The following PDE11A variants were observed in gnomAD, a reference collection of about 807,000 sequenced individuals.
The protein encoded by PDE11A is phosphodiesterase 11A.
A neutral mutation model predicts 100.5 loss-of-function variants in PDE11A; 100 were observed. The observed-to-expected ratio is 1.00, with a 90% CI of 0.85 to 1.18. The LOEUF (loss-of-function observed/expected upper bound fraction) is 1.18, where lower values mean the gene tolerates loss of function less well. Among genes scored for constraint, PDE11A ranks in the 50% most tolerant of loss-of-function variants. The pLI is 0.00. For synonymous variants in PDE11A, 381 were observed against 420.8 expected, an observed-to-expected ratio of 0.91 and a Z score of 1.16; for missense variants, 1,141 against 1,152.6, an observed-to-expected ratio of 0.99 and a Z score of 0.15.
chr2:178,038,597 C>G (rs1375190814), intron 1 of PDE11A, among the ~76,000 whole-genome samples: 1 of 152,066 alleles, frequency 6.6e-6, no homozygotes, highest in African/African-American at 2.4e-5. Context: ...CAGTACTCCA[C>G]AATAAGAGAA....
chr2:177,811,674 A>G (rs1323017530), intron 9 of PDE11A, among the ~76,000 whole-genome samples: 1 of 151,954 alleles, frequency 6.6e-6, no homozygotes, highest in Admixed American at 6.6e-5. Context: ...CTTTTGGGGA[A>G]GCTTTGTCCT....
intron 2 of PDE11A, chr2:178,104,171 A>G (rs1255439709): frequency 2.4e-6 from 2 of 821,384 alleles, no homozygotes; most frequent in South Asian, 1.4e-5. Context: ...ATATAAATCC[A>G]TATTTCAGTA....
At chr2:177,919,021 TG>T (rs2084995981) in intron 2 of PDE11A, among the ~76,000 whole-genome samples, 1 of 151,840 alleles carries the variant, frequency 6.6e-6, no homozygotes, top group Admixed American at 6.6e-5. Context: ...ATAAAAATAA[TG>T]CAAAAATCAA....
At chr2:178,106,757 C>G (rs1483691569) in intron 1 of PDE11A, among the ~76,000 whole-genome samples, 1 of 151,824 alleles carries the variant, frequency 6.6e-6, no homozygotes, top group Non-Finnish European at 1.5e-5. Flanking sequence ...GTCAGGAGTT[C>G]GAGACCAGCC....
At chr2:178,058,997 C>G (rs992985266) in intron 1 of PDE11A, among the ~76,000 whole-genome samples, 1 of 152,274 alleles carries the variant, frequency 6.6e-6, no homozygotes, top group South Asian at 2.1e-4. Context: ...CAAGAAGAGT[C>G]CCCAAACCCA....
rs569706179 is a variant in PDE11A at position 177,728,671 on chromosome 2, A to G, written c.1789-499T>C. 2.6e-5 allele frequency among the ~76,000 whole-genome samples: 4 copies of G among 152,302 alleles called. No homozygotes were observed. The South Asian group carries it at 8.3e-4, about 32-fold the overall frequency. On this transcript the variant is annotated intron_variant, in intron 10 of 19. Coordinates refer to ENST00000286063, the MANE Select transcript of PDE11A (RefSeq NM_016953.4). ...TTACACACGTGTTCTGTATATTCAG[A>G]ATGATCGAAAGGATCAGACAGCACA...
intron 9 of PDE11A, among the ~76,000 whole-genome samples, chr2:177,789,387 T>C (rs1037110617): frequency 1.5e-4 from 22 of 151,632 alleles, no homozygotes; most frequent in African/African-American, 5.1e-4. Context: ...TGGGACGTAT[T>C]TCAAAATAAT....
intron 2 of PDE11A, among the ~76,000 whole-genome samples, chr2:177,906,177 ACACGCACGCACGCACG>A (rs3037874): frequency 6.0e-5 from 9 of 151,038 alleles, no homozygotes; most frequent in African/African-American, 2.2e-4. Flanking sequence ...ACACACACAC[ACACGCACGCACGCACG>A]CACGCACGCA....
chr2:177,819,283 T>C (rs113456309), intron 7 of PDE11A, among the ~76,000 whole-genome samples: 8 of 152,096 alleles, frequency 5.3e-5, no homozygotes, highest in African/African-American at 1.9e-4. Flanking sequence ...AATTCATATC[T>C]TAAAAACACT....
chr2:177,789,644 T>C lies in PDE11A; in HGVS notation c.1738-20271A>G, dbSNP rs895407898. ...TGATTGTATATCTAGAAAACCCCAT[T>C]GTCTCAGCCCAAAATCTTCTTAAGG... is the stretch of plus-strand genomic sequence containing the variant. On this transcript the variant is annotated intron_variant, in intron 9 of 19. Transcript: ENST00000286063. 4.6e-5 allele frequency among the ~76,000 whole-genome samples: 7 copies of C among 152,006 alleles called. No individual in the cohort carries two copies. The East Asian group carries it at 9.7e-4, about 21-fold the overall frequency.
chr2:178,028,533 C>A (rs1186812912), intron 1 of PDE11A, among the ~76,000 whole-genome samples: 1 of 152,180 alleles, frequency 6.6e-6, no homozygotes, highest in Admixed American at 6.5e-5. Context: ...TCTAGCCAGA[C>A]ACACTGGAGA....
At chr2:177,772,424 G>T (rs759597188) in intron 9 of PDE11A, among the ~76,000 whole-genome samples, 10 of 152,000 alleles carry the variant, frequency 6.6e-5, no homozygotes, top group Non-Finnish European at 1.5e-4. Context: ...TAAATATTTG[G>T]CTGGATATTA....
intron 15 of PDE11A, among the ~76,000 whole-genome samples, chr2:177,697,083 G>A (rs1180124264): frequency 1.3e-5 from 2 of 152,170 alleles, no homozygotes; most frequent in Admixed American, 1.3e-4. Flanking sequence ...TTTCAGAGTT[G>A]TGTGTCAAAC....
At chr2:177,924,469 T>C (rs1023911927) in intron 2 of PDE11A, among the ~76,000 whole-genome samples, 7 of 152,190 alleles carry the variant, frequency 4.6e-5, no homozygotes, top group African/African-American at 1.7e-4. Flanking sequence ...TCTCTAACAC[T>C]TATTCATGGC....
At chr2:177,680,954 T>A in intron 15 of PDE11A, 51 bp from the exon 16 acceptor site, 1 of 996,314 alleles carries the variant, frequency 1.0e-6, no homozygotes. Context: ...TGGAATGAGA[T>A]TTCCCAGTCT....
At chr2:177,971,501 T>C (rs893198751) in intron 2 of PDE11A, among the ~76,000 whole-genome samples, 2 of 152,208 alleles carry the variant, frequency 1.3e-5, no homozygotes, top group African/African-American at 4.8e-5. Context: ...AAGTCATGGA[T>C]GTCATCCTGC....
chr2:178,011,452 A>G (rs966415217), intron 2 of PDE11A, among the ~76,000 whole-genome samples: 3 of 152,168 alleles, frequency 2.0e-5, no homozygotes, highest in Non-Finnish European at 4.4e-5. Flanking sequence ...ATTTTATAAA[A>G]GGTTGTAACT....
At chr2:177,925,570 G>A (rs2085115165) in intron 2 of PDE11A, among the ~76,000 whole-genome samples, 1 of 152,070 alleles carries the variant, frequency 6.6e-6, no homozygotes, top group Non-Finnish European at 1.5e-5. Context: ...ACTTTTTCAT[G>A]GGGTTGTTTG....
At chr2:177,708,656 A>G (rs1186294364) in intron 13 of PDE11A, among the ~76,000 whole-genome samples, 1 of 152,226 alleles carries the variant, frequency 6.6e-6, no homozygotes, top group African/African-American at 2.4e-5. Flanking sequence ...GCAATGTTTT[A>G]TAATAATTTA....
Sources: allele counts gnomAD v4.1 joint callset (sites outside exome capture counted in the v4.1 genomes callset), GRCh38; gene constraint gnomAD v4.1.1; transcripts MANE v1.5; gene names NCBI Gene and HGNC (gene_info 2026-07-23, HGNC 2026-07-21).